Variants in KIF2C observed in about 807,000 individuals in gnomAD.
KIF2C encodes the protein kinesin-like protein KIF2C.
A neutral mutation model predicts 97.4 loss-of-function variants in KIF2C; 34 were observed. The observed-to-expected ratio is 0.35, with a 90% confidence interval of 0.27 to 0.46. KIF2C has a LOEUF of 0.46. KIF2C is among the 20% of genes least tolerant of loss of function. KIF2C has a pLI of 1.00. For synonymous variants in KIF2C, 313 were observed against 318.2 expected (o/e 0.98, Z 0.17); for missense variants, 750 against 907.6 (o/e 0.83, Z 2.23).
At chr1:44,741,751 G>A (rs1217812125) in intron 2 of KIF2C, among the ~76,000 whole-genome samples, 2 of 152,072 alleles carry the variant, frequency 1.3e-5, no homozygotes, top group East Asian at 3.8e-4. Context: ...CACTTTGGGA[G>A]GCCGAGGTGG....
chr1:44,741,404 G>T (rs1000274274), intron 2 of KIF2C, among the ~76,000 whole-genome samples: 1 of 151,440 alleles, frequency 6.6e-6, no homozygotes, highest in African/African-American at 2.4e-5. Context: ...AAAAAAATTG[G>T]CTGGGTGCGG....
At chr1:44,754,462 C>T (rs1649708592) in intron 7 of KIF2C, among the ~76,000 whole-genome samples, 1 of 152,128 alleles carries the variant, frequency 6.6e-6, no homozygotes, top group African/African-American at 2.4e-5. Flanking sequence ...GACTGCAGTA[C>T]AGTCCCCTTA....
At chr1:44,741,699 GTCT>G (rs901365364) in intron 2 of KIF2C, among the ~76,000 whole-genome samples, 15 of 151,670 alleles carry the variant, frequency 9.9e-5, no homozygotes, top group South Asian at 8.3e-4. Context: ...AATAAAAATG[GTCT>G]TCTTGGCTGG....
chr1:44,762,723 C>T, intron 19 of KIF2C, 65 bp downstream of exon 19: 1 of 1,036,772 alleles, frequency 9.6e-7, no homozygotes, highest in Non-Finnish European at 1.5e-6. Context: ...CCACACCATT[C>T]CCAGAACATG....
At position 44,740,995 on chromosome 1, in the gene KIF2C, A is replaced by G; in HGVS notation, c.153A>G (p.Thr51=). The G allele has an allele frequency of 1.2e-6, 2 of 1,613,166 alleles. No individual in the cohort carries two copies. The highest frequency in any genetic ancestry group is 1.7e-6 in the Non-Finnish European group (2 of 1,179,208). ...VSVEWAEGGA[T]KGKEIDFDDV... is the part of the protein sequence containing the mutation. ...TGGAATGGGCAGAAGGAGGTGCCAC[A>G]AAGGGCAAAGAGGTAGGTTCTATGA... The change falls in exon 2 of 21, where the codon ACA becomes ACG. Residue 51 remains threonine, a synonymous_variant. Coordinates refer to ENST00000372224, the MANE Select transcript of KIF2C (RefSeq NM_006845.4).
intron 8 of KIF2C, 105 bp downstream of exon 8, chr1:44,754,950 G>A (rs1188310307): frequency 1.4e-6 from 1 of 699,264 alleles, no homozygotes; most frequent in Non-Finnish European, 2.5e-6. Flanking sequence ...TCACCTTTGA[G>A]GGTTTTATTA....
chr1:44,765,952 T>A lies in KIF2C; in HGVS notation c.1972-874T>A, dbSNP rs545082686. On this transcript the variant is annotated intron_variant, in intron 19 of 20. Coordinates refer to ENST00000372224, the MANE Select transcript of KIF2C (RefSeq NM_006845.4). ...CTGTAATCCCAGCTACTTGGGAGGCTGAGGCAGGAGAATCACTTGAACCCG... is the reference window on the plus strand; with the variant it reads ...CTGTAATCCCAGCTACTTGGGAGGCAGAGGCAGGAGAATCACTTGAACCCG... Among the ~76,000 whole-genome samples the A allele has an allele frequency of 1.6e-4, 25 of 152,272 alleles. No homozygotes were observed. In the South Asian group the frequency reaches 5.2e-3, roughly 32 times the overall value.
At chr1:44,765,637 A>C (rs1314233655) in intron 19 of KIF2C, among the ~76,000 whole-genome samples, 1 of 152,190 alleles carries the variant, frequency 6.6e-6, no homozygotes, top group African/African-American at 2.4e-5. Context: ...GATCAAGACC[A>C]TCCTGGCCAA....
chr1:44,762,296 G>T, intron 17 of KIF2C, 50 bp from the exon 18 acceptor site: 3 of 1,502,264 alleles, frequency 2.0e-6, no homozygotes, highest in Non-Finnish European at 2.8e-6. Flanking sequence ...CATTCCTCTG[G>T]TGAGTACCAA....
chr1:44,766,699 A>C (rs1284636101), intron 19 of KIF2C, 127 bp from the exon 20 acceptor site: 2 of 953,986 alleles, frequency 2.1e-6, no homozygotes, highest in African/African-American at 1.6e-5. Context: ...GAGGGTGAAC[A>C]GCCAGGGTAT....
intron 6 of KIF2C, 110 bp downstream of exon 6, chr1:44,753,364 C>G: frequency 3.3e-6 from 4 of 1,228,088 alleles, no homozygotes; most frequent in Non-Finnish European, 4.4e-6. Context: ...CTGTTTGTCA[C>G]GTGGGGGCAT....
chr1:44,760,739 G>A lies in KIF2C; in HGVS notation c.1683+37G>A, dbSNP rs1198531898. 1 of 1,531,424 alleles carries A rather than the reference G, an allele frequency of 6.5e-7. No individual in the cohort carries two copies. The highest frequency in any genetic ancestry group is 2.2e-5 in the East Asian group (1 of 44,492). The allele number at this position is 1,531,424 out of a possible 1,614,324, so 94.9% of individuals were successfully genotyped here. On this transcript the variant is annotated intron_variant, in intron 16 of 20. Coordinates refer to ENST00000372224, the MANE Select transcript of KIF2C (RefSeq NM_006845.4). The surrounding 1 kb of genome is among the most constrained non-coding windows in gnomAD (Gnocchi z 4.2). ...CACTTTGAAGGTGATGGTACAGGAG[G>A]AGACAGAGTTGCTTTCCACAGAGAC...
intron 4 of KIF2C, among the ~76,000 whole-genome samples, chr1:44,748,127 G>A (rs1418423221): frequency 6.6e-6 from 1 of 152,344 alleles, no homozygotes; most frequent in Admixed American, 6.5e-5. Context: ...TGGGGCTGGA[G>A]AGAATAACAG....
At chr1:44,761,877 G>T (rs375381076) in intron 16 of KIF2C, 39 bp from the exon 17 acceptor site, 11 of 1,596,956 alleles carry the variant, frequency 6.9e-6, no homozygotes, top group South Asian at 1.1e-5. Context: ...CATCCTCACC[G>T]TGCCTCTCAG....
intron 2 of KIF2C, among the ~76,000 whole-genome samples, chr1:44,741,379 CAAA>C (rs764626810): frequency 8.5e-5 from 5 of 58,486 alleles, no homozygotes; most frequent in Non-Finnish European, 7.0e-5. Flanking sequence ...GAATCTGTCT[CAAA>C]AAAAAAAAAA....
At chr1:44,740,112 C>A in intron 1 of KIF2C, 110 bp downstream of exon 1, 2 of 1,273,246 alleles carry the variant, frequency 1.6e-6, no homozygotes, top group East Asian at 2.3e-5. Flanking sequence ...CTCTCCCTCC[C>A]TCCTTTTCAC....
chr1:44,756,940 CAG>C (rs1475889663), intron 10 of KIF2C, among the ~76,000 whole-genome samples: 4 of 151,488 alleles, frequency 2.6e-5, no homozygotes, highest in Non-Finnish European at 4.4e-5. Flanking sequence ...TTTTTTGAGA[CAG>C]AGTCTCAGTC....
In KIF2C at chr1:44,760,559, A is replaced by T; in HGVS notation, c.1573-33A>T. ...TGGGGAGGGATCAGTGCAAGGAAAG[A>T]AGGGACCTCAGTTGTTCCTGCTGCC... On this transcript the variant is annotated intron_variant, in intron 15 of 20. Transcript: ENST00000372224. The surrounding 1 kb of genome is among the most constrained non-coding windows in gnomAD (Gnocchi z 4.2). 6.2e-7 allele frequency: 1 copy of T among 1,612,646 alleles called. No homozygotes were observed. The highest frequency in any genetic ancestry group is 8.5e-7 in the Non-Finnish European group (1 of 1,179,038).
At chr1:44,750,608 G>T in intron 5 of KIF2C, 44 bp downstream of exon 5, 1 of 1,453,174 alleles carries the variant, frequency 6.9e-7, no homozygotes, top group South Asian at 1.5e-5. Context: ...TGAGGCCCTG[G>T]AGCACATTGC....
Sources: allele counts gnomAD v4.1 joint callset (sites outside exome capture counted in the v4.1 genomes callset), GRCh38; gene constraint gnomAD v4.1.1; non-coding constraint Gnocchi (gnomAD v3.1); transcripts MANE v1.5; gene names NCBI Gene and HGNC (gene_info 2026-07-23, HGNC 2026-07-21).